COL4A4: variants seen among roughly 807,000 people sequenced by gnomAD.
COL4A4 encodes collagen alpha-4(IV) chain.
In COL4A4, 105 loss-of-function variants were observed where a neutral mutation model predicts 192.9. That is an observed-to-expected ratio of 0.54 (90% CI 0.46 to 0.64). The LOEUF is 0.64. COL4A4 is among the 30% of genes least tolerant of loss of function. The pLI is 0.00. For missense variants in COL4A4, 1,967 were observed against 2,169.3 expected, an observed-to-expected ratio of 0.91 and a Z score of 1.85; for synonymous variants, 762 against 769.9, an observed-to-expected ratio of 0.99 and a Z score of 0.17.
At chr2:227,117,667 A>G (rs1451704097) in intron 7 of COL4A4, among the ~76,000 whole-genome samples, 2 of 152,086 alleles carry the variant, frequency 1.3e-5, no homozygotes, top group Non-Finnish European at 2.9e-5. Context: ...AAATCACAGA[A>G]AAACAATTTG....
chr2:227,051,023 G>C lies in COL4A4; in HGVS notation c.3104C>G (p.Thr1035Ser). 6.2e-7 allele frequency: 1 copy of C among 1,614,228 alleles called. No homozygotes were observed. Among genetic ancestry groups the C allele is most frequent in the Non-Finnish European group, 8.5e-7 (1 of 1,180,036 alleles). Residue 1035 changes from threonine (T) to serine (S), a missense_variant, in exon 33 of 48, where the codon ACT (threonine) becomes AGT (serine). Thr to Ser is a moderately conservative substitution (Grantham distance 58). Coordinates refer to ENST00000396625, the MANE Select transcript of COL4A4 (RefSeq NM_000092.5). ...AAAACCAATGAACCCTCTTAGACCA[G>C]TTGAGCCTGGAGGGCCTGGGGGTCC... is the stretch of plus-strand genomic sequence containing the variant. ...PPGPPGPPGSTGLRGFIGFPG... is the reference protein window; with the variant it reads ...PPGPPGPPGSSGLRGFIGFPG...
At chr2:227,050,812 C>T (rs951357644) in intron 33 of COL4A4, among the ~76,000 whole-genome samples, 165 bp downstream of exon 33, 2 of 152,180 alleles carry the variant, frequency 1.3e-5, no homozygotes, top group African/African-American at 4.8e-5. Context: ...TCAGTTTCAT[C>T]GTGGCCTTCT....
chr2:227,163,141 G>A (rs1419862188), intron 1 of COL4A4, among the ~76,000 whole-genome samples: 1 of 152,202 alleles, frequency 6.6e-6, no homozygotes, highest in Non-Finnish European at 1.5e-5. Flanking sequence ...ATCTGTATAG[G>A]AAACTCACAT....
At chr2:226,987,570 C>T in the COL4A4 span, among the ~76,000 whole-genome samples, 4 of 152,216 alleles carry the variant, frequency 2.6e-5, no homozygotes, top group African/African-American at 4.8e-5. Flanking sequence ...CCACCTGACG[C>T]CTGTGTCTCA....
chr2:227,140,080 A>T (rs969228125), intron 4 of COL4A4, 81 bp downstream of exon 4: 15 of 1,304,158 alleles, frequency 1.2e-5, no homozygotes, highest in Admixed American at 5.2e-5. Context: ...TTTGCCAAGA[A>T]TCTGGGATTA....
chr2:227,002,207 A>G (rs1364927331), downstream of COL4A4, among the ~76,000 whole-genome samples: 1 of 149,674 alleles, frequency 6.7e-6, no homozygotes, highest in African/African-American at 2.5e-5. Context: ...CAAAGCAGTT[A>G]TTGAATATCT....
chr2:227,048,736 G>A (rs905939485), intron 34 of COL4A4, among the ~76,000 whole-genome samples: 6 of 152,204 alleles, frequency 3.9e-5, no homozygotes, highest in African/African-American at 1.2e-4. Context: ...TGAAGGAAGT[G>A]AGAAGAGGTA....
chr2:227,109,048 G>T, intron 10 of COL4A4, 176 bp downstream of exon 10: 1 of 878,068 alleles, frequency 1.1e-6, no homozygotes, highest in East Asian at 2.4e-5. Flanking sequence ...TGGCTCATCC[G>T]CAGGGACCTG....
the COL4A4 span, among the ~76,000 whole-genome samples, chr2:226,982,555 C>G: frequency 6.6e-6 from 1 of 152,310 alleles, no homozygotes; most frequent in African/African-American, 2.4e-5. Context: ...ACTGAATGTT[C>G]TTTAATGTGG....
chr2:227,103,032 T>G, intron 14 of COL4A4, 112 bp downstream of exon 14: 1 of 1,113,000 alleles, frequency 9.0e-7, no homozygotes, highest in African/African-American at 1.6e-5. Flanking sequence ...TGAAAAATTC[T>G]GGTAATATAT....
intron 3 of COL4A4, among the ~76,000 whole-genome samples, chr2:227,142,773 A>G (rs909581464): frequency 1.3e-5 from 2 of 151,842 alleles, no homozygotes; most frequent in East Asian, 3.9e-4. Context: ...AAAAAAAAAA[A>G]GTTCAAACAA....
intron 46 of COL4A4, 54 bp downstream of exon 46, chr2:227,010,259 T>A (rs1963349211): frequency 6.3e-7 from 1 of 1,594,492 alleles, no homozygotes. Context: ...TCAGTAAAAT[T>A]AACCCCAAAT....
the COL4A4 span, chr2:226,988,709 C>CATAT: frequency 3.7e-4 from 357 of 952,366 alleles, no homozygotes; most frequent in African/African-American, 6.2e-3. Flanking sequence ...TTACAGACCT[C>CATAT]ATATACATAG....
chr2:226,982,299 C>T, the COL4A4 span, among the ~76,000 whole-genome samples: 1 of 152,222 alleles, frequency 6.6e-6, no homozygotes, highest in East Asian at 1.9e-4. Flanking sequence ...AGGTGGCTGT[C>T]AGCTTTAATA....
At position 227,078,174 on chromosome 2, in the gene COL4A4, A is replaced by G. The variant is rs2059135072; in HGVS notation, c.1804-97T>C. 6 of 1,215,182 alleles carry G rather than the reference A, an allele frequency of 4.9e-6. No individual in the cohort carries two copies. The South Asian group carries it at 6.5e-5, about 13-fold the overall frequency. 75.3% of individuals were successfully genotyped at this position (1,215,182 alleles called of 1,614,324 possible). A position where few individuals can be genotyped will look rare whatever the true frequency, so the allele number is the denominator to read the frequency against. On this transcript the variant is annotated intron_variant, in intron 24 of 47. Transcript: ENST00000396625. ...TACAGAAACACACGCAAAAGTCCAT[A>G]ATTTCAGGAGACAGTTACTCTTAAG...
intron 1 of COL4A4, among the ~76,000 whole-genome samples, 165 bp from the exon 2 acceptor site, chr2:227,147,749 T>TA (rs1268595572): frequency 1.3e-5 from 2 of 151,540 alleles, no homozygotes; most frequent in Non-Finnish European, 2.9e-5. Flanking sequence ...TCTTCAGAAA[T>TA]AAAAAATCTT....
At chr2:227,083,192 G>A (rs796238875) in intron 22 of COL4A4, among the ~76,000 whole-genome samples, 7 of 152,162 alleles carry the variant, frequency 4.6e-5, no homozygotes, top group African/African-American at 1.4e-4. Flanking sequence ...TCGTGCCACT[G>A]TACTCCAGCC....
intron 1 of COL4A4, among the ~76,000 whole-genome samples, chr2:227,155,448 A>C (rs1204279447): frequency 1.3e-5 from 2 of 152,238 alleles, no homozygotes; most frequent in African/African-American, 4.8e-5. Flanking sequence ...TTTCCAAATC[A>C]GAGGAGCCCT....
At chr2:227,139,455 G>A (rs2063047017) in intron 4 of COL4A4, among the ~76,000 whole-genome samples, 2 of 152,152 alleles carry the variant, frequency 1.3e-5, no homozygotes, top group Admixed American at 6.5e-5. Flanking sequence ...CAGAACATGG[G>A]GGAGACATTA....
Sources: allele counts gnomAD v4.1 joint callset (sites outside exome capture counted in the v4.1 genomes callset), GRCh38; gene constraint gnomAD v4.1.1; transcripts MANE v1.5; gene names NCBI Gene and HGNC (gene_info 2026-07-23, HGNC 2026-07-21).